The following KCNK2 variants were observed in gnomAD, a reference collection of about 807,000 sequenced individuals.
KCNK2 encodes potassium channel subfamily K member 2.
In KCNK2, 21 loss-of-function variants were observed where a neutral mutation model predicts 40.5. The observed-to-expected ratio is 0.52, with a 90% CI of 0.37 to 0.75. The LOEUF is 0.75. KCNK2 is among the 30% of genes least tolerant of loss of function. KCNK2 has a pLI of 0.00. For missense variants in KCNK2, 399 were observed against 531.6 expected (o/e 0.75, Z 2.45); for synonymous variants, 191 against 202.2 (o/e 0.94, Z 0.47).
chr1:215,126,800 G>C (rs1661456128), intron 3 of KCNK2, among the ~76,000 whole-genome samples: 1 of 152,084 alleles, frequency 6.6e-6, no homozygotes, highest in African/African-American at 2.4e-5. Context: ...TGACAGCCCA[G>C]ATCTCCTACT....
At chr1:215,013,191 T>C (rs1357242878) in intron 1 of KCNK2, among the ~76,000 whole-genome samples, 3 of 152,206 alleles carry the variant, frequency 2.0e-5, no homozygotes. Flanking sequence ...GGTATGTATT[T>C]TTTTGGCATA....
intron 2 of KCNK2, among the ~76,000 whole-genome samples, chr1:215,118,328 T>TG (rs1661038867): frequency 2.0e-5 from 3 of 152,176 alleles, no homozygotes; most frequent in Non-Finnish European, 4.4e-5. Context: ...ATTTTTGTGC[T>TG]GCAACCATAA....
chr1:215,149,312 T>C (rs1662580716), intron 3 of KCNK2, among the ~76,000 whole-genome samples: 1 of 152,146 alleles, frequency 6.6e-6, no homozygotes, highest in Non-Finnish European at 1.5e-5. Flanking sequence ...TGACAATTTA[T>C]GTTATTTAAA....
chr1:215,069,785 C>T (rs1658682299), intron 1 of KCNK2, among the ~76,000 whole-genome samples: 1 of 152,156 alleles, frequency 6.6e-6, no homozygotes, highest in Non-Finnish European at 1.5e-5. Context: ...TGCTAATTTT[C>T]ATGTGAATCT....
Position 215,235,402 on chromosome 1 carries a change from G to A in KCNK2, c.*257G>A, listed in dbSNP as rs1206591811. 2 of 414,210 alleles carry A rather than the reference G, an allele frequency of 4.8e-6. No individual in the cohort carries two copies. Among genetic ancestry groups the A allele is most frequent in the East Asian group, 7.5e-5 (2 of 26,624 alleles). The allele number at this position is 414,210 out of a possible 1,614,324, so 25.7% of individuals were successfully genotyped here. A position where few individuals can be genotyped will look rare whatever the true frequency, so the allele number is the denominator to read the frequency against. On this transcript the variant is annotated 3_prime_UTR_variant, in exon 7 of 7. Coordinates refer to ENST00000444842, the MANE Select transcript of KCNK2 (RefSeq NM_001017425.3). ...AATGTCTGATGCCTTTTTGTGCCCA[G>A]ACTGTTTTCCTCTCTCTTTCCCTAA...
intron 1 of KCNK2, among the ~76,000 whole-genome samples, chr1:215,061,985 C>G (rs1220250072): frequency 6.6e-6 from 1 of 151,940 alleles, no homozygotes; most frequent in Non-Finnish European, 1.5e-5. Context: ...AACACAGCCT[C>G]TAAATTCTAA....
At chr1:215,174,296 T>A (rs908169170) in intron 5 of KCNK2, among the ~76,000 whole-genome samples, 3 of 152,238 alleles carry the variant, frequency 2.0e-5, no homozygotes, top group African/African-American at 7.2e-5. Context: ...TGTGCTATTA[T>A]TTCTGAGGGC....
At chr1:215,057,109 C>T (rs1009133708) in intron 1 of KCNK2, among the ~76,000 whole-genome samples, 10 of 152,036 alleles carry the variant, frequency 6.6e-5, no homozygotes, top group African/African-American at 1.9e-4. Context: ...CTGCCCCTAG[C>T]CATTTCCTAG....
At chr1:215,072,845 A>C (rs1317693894) in intron 1 of KCNK2, among the ~76,000 whole-genome samples, 1 of 152,228 alleles carries the variant, frequency 6.6e-6, no homozygotes, top group Non-Finnish European at 1.5e-5. Flanking sequence ...TTTTGGTCTT[A>C]TAGGCAATGT....
intron 3 of KCNK2, among the ~76,000 whole-genome samples, chr1:215,153,189 A>T (rs1464565777): frequency 6.6e-6 from 1 of 152,196 alleles, no homozygotes. Flanking sequence ...ACTTGTTTGT[A>T]AAAGTCAGCT....
intron 6 of KCNK2, among the ~76,000 whole-genome samples, chr1:215,197,884 C>T (rs1417904756): frequency 6.6e-6 from 1 of 152,016 alleles, no homozygotes; most frequent in East Asian, 1.9e-4. Context: ...CCTGTAGTCC[C>T]AGCTACAGTG....
intron 3 of KCNK2, among the ~76,000 whole-genome samples, chr1:215,135,496 A>T (rs906572622): frequency 2.0e-4 from 30 of 151,882 alleles, no homozygotes; most frequent in African/African-American, 6.5e-4. Flanking sequence ...TTACATATTT[A>T]TTTCTGCCAC....
chr1:215,194,279 A>G (rs898846608), intron 5 of KCNK2, among the ~76,000 whole-genome samples: 1 of 152,200 alleles, frequency 6.6e-6, no homozygotes, highest in African/African-American at 2.4e-5. Flanking sequence ...AAAAAAAACA[A>G]GAGCCTTGCC....
At chr1:215,194,877 A>G in intron 5 of KCNK2, 76 bp from the exon 6 acceptor site, 1 of 1,368,388 alleles carries the variant, frequency 7.3e-7, no homozygotes, top group African/African-American at 1.5e-5. Context: ...AAATTTAGTT[A>G]GTAATTTTAG....
intron 1 of KCNK2, among the ~76,000 whole-genome samples, chr1:215,073,328 C>T (rs1246597123): frequency 6.6e-6 from 1 of 152,128 alleles, no homozygotes; most frequent in East Asian, 1.9e-4. Flanking sequence ...CTAGGAAACA[C>T]AGAAAGTTAC....
Position 215,148,773 on chromosome 1 carries a change from A to C in KCNK2, c.476-20426A>C, listed in dbSNP as rs185140237. Among the ~76,000 whole-genome samples, 146 of 152,320 alleles carry C rather than the reference A, an allele frequency of 9.6e-4. 1 individual carries two copies. The highest frequency in any genetic ancestry group is 1.6e-4 in the Non-Finnish European group (11 of 68,018). ...ACTATGTATGTTGAAAGAAGGCAAG[A>C]TCACAGCTGGTTGAAAGGGTAAGGA... On this transcript the variant is annotated intron_variant, in intron 3 of 6. Coordinates refer to ENST00000444842, the MANE Select transcript of KCNK2 (RefSeq NM_001017425.3).
intron 1 of KCNK2, among the ~76,000 whole-genome samples, chr1:215,060,219 G>T (rs774458180): frequency 9.9e-5 from 15 of 152,102 alleles, no homozygotes; most frequent in South Asian, 6.2e-4. Context: ...AACCTCGGCC[G>T]CAACTAAACA....
At chr1:215,091,222 A>G (rs1016983279) in intron 2 of KCNK2, among the ~76,000 whole-genome samples, 3 of 152,174 alleles carry the variant, frequency 2.0e-5, no homozygotes, top group Non-Finnish European at 4.4e-5. Context: ...CGAGGGGAAT[A>G]GTGGACATTC....
At chr1:215,215,189 AAG>A in intron 6 of KCNK2, among the ~76,000 whole-genome samples, 1 of 146,002 alleles carries the variant, frequency 6.8e-6, no homozygotes, top group South Asian at 2.1e-4. Context: ...GAAGCTAATG[AAG>A]CTGGGGGGAT....
Sources: gnomAD v4.1 joint callset for allele counts (sites outside exome capture counted in the v4.1 genomes callset) on GRCh38, gnomAD v4.1.1 for gene constraint, MANE v1.5 for transcripts, NCBI Gene and HGNC (gene_info 2026-07-23, HGNC 2026-07-21) for gene names.